Variants in MPHOSPH9 observed in about 807,000 individuals in gnomAD.
MPHOSPH9 encodes the protein M-phase phosphoprotein 9.
Under a neutral mutation model 145.5 loss-of-function variants are expected in MPHOSPH9, and 88 were observed. That is an observed-to-expected ratio of 0.60 (90% CI 0.51 to 0.72). The LOEUF (loss-of-function observed/expected upper bound fraction) is 0.72. MPHOSPH9 is among the 30% of genes least tolerant of loss of function. The pLI is 0.00. For missense variants in MPHOSPH9, 1,238 were observed against 1,386.6 expected (o/e 0.89, Z 1.70); for synonymous variants, 435 against 486.2 (o/e 0.89, Z 1.39).
intron 6 of MPHOSPH9, 126 bp from the exon 7 acceptor site, chr12:123,214,960 C>T (rs2046896491): frequency 1.3e-6 from 1 of 774,426 alleles, no homozygotes; most frequent in Non-Finnish European, 2.1e-6. Flanking sequence ...AGAAGAAAGC[C>T]TGGCCAGGCG....
rs987146965 is a variant in MPHOSPH9 at position 123,203,282 on chromosome 12, T to C, written c.1288A>G (p.Thr430Ala). ...ENKQLPERNLTSASNPNHPPE... is the reference protein window; with the variant it reads ...ENKQLPERNLASASNPNHPPE... ...GGATGATTTGGGTTGGAAGCAGAAG[T>C]GAGATTCCTCTCAGGTAACTGCTTG... Residue 430 changes from threonine (T) to alanine (A), a missense_variant, in exon 9 of 24, where the codon ACT (threonine) becomes GCT (alanine). Coordinates refer to ENST00000606320, the MANE Select transcript of MPHOSPH9 (RefSeq NM_022782.4). 8 of 1,613,812 alleles carry C rather than the reference T, an allele frequency of 5.0e-6. No individual in the cohort carries two copies. Among genetic ancestry groups the C allele is most frequent in the Non-Finnish European group, 5.9e-6 (7 of 1,179,820 alleles).
chr12:123,174,946 C>T (rs953241889), intron 16 of MPHOSPH9, among the ~76,000 whole-genome samples: 1 of 152,054 alleles, frequency 6.6e-6, no homozygotes. Context: ...GAATCTCTCC[C>T]GAAGAGTCTC....
At chr12:123,193,106 T>TACACACACACAC (rs1425195261) in intron 13 of MPHOSPH9, among the ~76,000 whole-genome samples, 1 of 97,260 alleles carries the variant, frequency 1.0e-5, no homozygotes, top group African/African-American at 4.5e-5. Flanking sequence ...AATATATATA[T>TACACACACACAC]ATACACACAC....
At chr12:123,207,586 G>A (rs2046491387) in intron 8 of MPHOSPH9, among the ~76,000 whole-genome samples, 2 of 152,146 alleles carry the variant, frequency 1.3e-5, no homozygotes, top group African/African-American at 4.8e-5. Context: ...GGGTGCACTA[G>A]CTCATGCCTG....
chr12:123,186,605 T>A (rs1231074124), intron 13 of MPHOSPH9, among the ~76,000 whole-genome samples: 2 of 151,974 alleles, frequency 1.3e-5, no homozygotes, highest in African/African-American at 4.8e-5. Flanking sequence ...TAGATCTTCA[T>A]CTTCAGCTAG....
upstream of MPHOSPH9, among the ~76,000 whole-genome samples, chr12:123,236,592 CAAAA>C (rs113568323): frequency 9.4e-6 from 1 of 105,914 alleles, no homozygotes; most frequent in Non-Finnish European, 2.0e-5. Flanking sequence ...GACCCTGTCT[CAAAA>C]AAAAAAAAAA....
intron 15 of MPHOSPH9, among the ~76,000 whole-genome samples, chr12:123,177,503 T>G (rs1314476574): frequency 6.6e-6 from 1 of 151,460 alleles, no homozygotes; most frequent in South Asian, 2.1e-4. Flanking sequence ...ACCACTTTAC[T>G]CCAGCCTGGG....
Position 123,221,872 on chromosome 12 carries a change from AT to A in MPHOSPH9, c.371del (p.Asn124IlefsTer2). On this transcript the variant is annotated frameshift_variant, in exon 5 of 24. Transcript: ENST00000606320. LOFTEE classifies it high-confidence loss of function. ...CACTACTAGTCTGTAATTTGACTAAATTTTTTATCTCCTCCTGTATATGCTG... is the reference window on the plus strand; with the variant it reads ...CACTACTAGTCTGTAATTTGACTAAATTTTTATCTCCTCCTGTATATGCTG... ...QIQHIQEEIK[N>X]LVKLQTSSAS... 1 of 1,581,584 alleles carries A rather than the reference AT, an allele frequency of 6.3e-7. No individual in the cohort carries two copies. Among genetic ancestry groups the A allele is most frequent in the Non-Finnish European group, 8.6e-7 (1 of 1,165,878 alleles).
chr12:123,186,036 C>G (rs952145949), intron 13 of MPHOSPH9, among the ~76,000 whole-genome samples: 15 of 151,654 alleles, frequency 9.9e-5, no homozygotes, highest in Admixed American at 9.9e-4. Flanking sequence ...ACCAGCCTGA[C>G]CAACATGGTG....
In MPHOSPH9 at chr12:123,176,694, C is replaced by T. The variant is rs962850363; in HGVS notation, c.2450G>A (p.Arg817His). The change falls in exon 16 of 24, where the codon CGT (arginine) becomes CAT (histidine). Residue 817 changes from arginine to histidine, a missense_variant. Arg to His is a conservative substitution (Grantham distance 29, BLOSUM62 0). Around this residue, in one of 3 missense-constraint regions of MPHOSPH9, gnomAD observed 393 missense variants for 462.5 expected, o/e 0.85. Transcript: ENST00000606320. Reference protein sequence around the residue: ...HNSRIHVRPSRANTLATSDVS... With the variant: ...HNSRIHVRPSHANTLATSDVS... ...AGTAAATGAAATAACTTACTTGGCA[C>T]GCGAGGGTCTCACGTGAATTCTAGA... The T allele has an allele frequency of 5.6e-6, 9 of 1,611,774 alleles. No homozygotes were observed. The highest frequency in any genetic ancestry group is 4.0e-5 in the African/African-American group (3 of 74,856).
At chr12:123,174,595 A>G (rs953210532) in intron 16 of MPHOSPH9, among the ~76,000 whole-genome samples, 15 of 151,874 alleles carry the variant, frequency 9.9e-5, no homozygotes, top group African/African-American at 3.6e-4. Flanking sequence ...GATGGTCTCG[A>G]TCTCCTGACC....
intron 12 of MPHOSPH9, among the ~76,000 whole-genome samples, chr12:123,197,307 G>A (rs539808997): frequency 4.0e-5 from 6 of 151,694 alleles, no homozygotes; most frequent in East Asian, 2.0e-4. Flanking sequence ...TCAGTCTCCC[G>A]AGTAGCTGGG....
intron 2 of MPHOSPH9, 124 bp downstream of exon 2, chr12:123,230,137 G>C: frequency 6.3e-6 from 4 of 630,576 alleles, no homozygotes; most frequent in Non-Finnish European, 1.0e-5. Context: ...GAACATTCTT[G>C]ATGATAGGTT....
At chr12:123,211,925 G>A (rs2046740268) in intron 7 of MPHOSPH9, among the ~76,000 whole-genome samples, 1 of 151,694 alleles carries the variant, frequency 6.6e-6, no homozygotes. Flanking sequence ...AACCTCCTGG[G>A]GTCAGGTGAT....
At chr12:123,232,379 A>C (rs1039683119) in intron 1 of MPHOSPH9, among the ~76,000 whole-genome samples, 1 of 152,074 alleles carries the variant, frequency 6.6e-6, no homozygotes, top group Non-Finnish European at 1.5e-5. Context: ...CAATGCAAAA[A>C]AAAATTTTTT....
chr12:123,193,991 G>A (rs555424103), intron 13 of MPHOSPH9, among the ~76,000 whole-genome samples: 8 of 152,196 alleles, frequency 5.3e-5, no homozygotes, highest in African/African-American at 1.4e-4. Flanking sequence ...AATAAAGGCC[G>A]GACATAGTGG....
At chr12:123,200,911 G>A (rs1214499030) in intron 11 of MPHOSPH9, among the ~76,000 whole-genome samples, 3 of 151,792 alleles carry the variant, frequency 2.0e-5, no homozygotes, top group East Asian at 3.9e-4. Context: ...TGCCTGCCTC[G>A]GCCTCCCAAA....
intron 13 of MPHOSPH9, among the ~76,000 whole-genome samples, chr12:123,186,579 A>G (rs961494762): frequency 4.6e-5 from 7 of 152,212 alleles, no homozygotes; most frequent in Non-Finnish European, 5.9e-5. Flanking sequence ...ATACACCCAG[A>G]ATCACAGTTA....
At chr12:123,192,628 C>CAAAAAAA (rs55831766) in intron 13 of MPHOSPH9, among the ~76,000 whole-genome samples, 5 of 49,376 alleles carry the variant, frequency 1.0e-4, no homozygotes, top group Non-Finnish European at 1.8e-4. Context: ...GACACCGTCT[C>CAAAAAAA]AAAAAAAAAA....
Sources: allele counts gnomAD v4.1 joint callset (sites outside exome capture counted in the v4.1 genomes callset), GRCh38; gene constraint gnomAD v4.1.1; regional missense constraint gnomAD v4.1.1; transcripts MANE v1.5; gene names NCBI Gene and HGNC (gene_info 2026-07-23, HGNC 2026-07-21).